Variants in SLC11A1 observed in about 807,000 individuals in gnomAD.
SLC11A1 encodes the protein solute carrier family 11 member 1.
SLC11A1 carries 59 observed loss-of-function variants against 63.2 expected under a neutral mutation model. The observed-to-expected ratio is 0.93, with a 90% CI of 0.76 to 1.16. The LOEUF (loss-of-function observed/expected upper bound fraction) is 1.16, where lower values mean the gene tolerates loss of function less well. Among genes scored for constraint, SLC11A1 ranks in the 50% most tolerant of loss-of-function variants. The pLI is 0.00. For missense variants in SLC11A1, 688 were observed against 730.7 expected, an observed-to-expected ratio of 0.94 and a Z score of 0.67; for synonymous variants, 305 against 307.8, an observed-to-expected ratio of 0.99 and a Z score of 0.09.
At position 218,395,265 on chromosome 2, in the gene SLC11A1, A is replaced by C; in HGVS notation, c.*230A>C. 1 of 549,114 alleles carries C rather than the reference A, an allele frequency of 1.8e-6. No homozygotes were observed. The highest frequency in any genetic ancestry group is 3.3e-6 in the Non-Finnish European group (1 of 306,648). The allele number at this position is 549,114 out of a possible 1,614,324, so 34.0% of individuals were successfully genotyped here. On this transcript the variant is annotated 3_prime_UTR_variant, in exon 15 of 15. Coordinates refer to ENST00000233202, the MANE Select transcript of SLC11A1 (RefSeq NM_000578.4). The stretch of plus-strand genomic sequence containing the variant: ...ACCACCCTTGCCATGGAGGTTAAGC[A>C]CTTTAACACAGTGTCTGGCACTTGG...
chr2:218,385,278 G>A lies in SLC11A1; in HGVS notation c.393+12G>A, dbSNP rs761626087. ...TCTACTACCCTAAGGTGAGCTTGGG[G>A]GGCCTGGACAGGGAGAACCACTGGC... is the stretch of plus-strand genomic sequence containing the variant. On this transcript the variant is annotated intron_variant, in intron 4 of 14. Coordinates refer to ENST00000233202, the MANE Select transcript of SLC11A1 (RefSeq NM_000578.4). The A allele has an allele frequency of 1.9e-6, 3 of 1,613,730 alleles. No homozygotes were observed. Among genetic ancestry groups the A allele is most frequent in the South Asian group, 2.2e-5 (2 of 91,076 alleles).
chr2:218,387,137 G>A (rs1487639800), intron 5 of SLC11A1, 23 bp from the exon 6 acceptor site: 1 of 1,612,730 alleles, frequency 6.2e-7, no homozygotes, highest in Non-Finnish European at 8.5e-7. Context: ...AGGCTGGGCT[G>A]ACCCGGGCCA....
rs958504735 is a variant in SLC11A1, at chr2:218,384,541, G to A, written c.273+176G>A. 8 of 470,574 alleles carry A rather than the reference G, an allele frequency of 1.7e-5. No homozygotes were observed. Among genetic ancestry groups the A allele is most frequent in the African/African-American group, 1.2e-4 (6 of 50,684 alleles). The allele number at this position is 470,574 out of a possible 1,614,324, so 29.1% of individuals were successfully genotyped here. A position where few individuals can be genotyped will look rare whatever the true frequency, so the allele number is the denominator to read the frequency against. ...TGCCAGAAGGTGGGGCATTTGTGTG[G>A]GGGGTAGGGGACTGGACTCCTCTCT... On this transcript the variant is annotated intron_variant, in intron 3 of 14. Coordinates refer to ENST00000233202, the MANE Select transcript of SLC11A1 (RefSeq NM_000578.4). The surrounding 1 kb of genome is among the most constrained non-coding windows in gnomAD (Gnocchi z 4.0).
At chr2:218,382,508 T>A (rs562567227) in intron 1 of SLC11A1, 133 bp downstream of exon 1, 1 of 927,328 alleles carries the variant, frequency 1.1e-6, no homozygotes, top group South Asian at 1.5e-5. Context: ...GTGGGAGTCC[T>A]AGTCTAGAAC....
Position 218,383,074 on chromosome 2 carries a change from A to T in SLC11A1, c.122A>T (p.Glu41Val). The T allele has an allele frequency of 6.2e-7, 1 of 1,613,946 alleles. No individual in the cohort carries two copies. The highest frequency in any genetic ancestry group is 8.5e-7 in the Non-Finnish European group (1 of 1,179,942). ...CCTCCCAGAGAGACCTACCTGAGTG[A>T]GAAGATCCCCATCCCAGACACAAAA... ...QAPPRETYLS[E>V]KIPIPDTKPG... Residue 41 changes from glutamate (E) to valine (V), a missense_variant, in exon 2 of 15, where the codon GAG (glutamate) becomes GTG (valine). Coordinates refer to ENST00000233202, the MANE Select transcript of SLC11A1 (RefSeq NM_000578.4).
Position 218,390,043 on chromosome 2 carries a change from C to G in SLC11A1, c.954+15C>G, listed in dbSNP as rs369300816. 1 of 1,602,838 alleles carries G rather than the reference C, an allele frequency of 6.2e-7. No individual in the cohort carries two copies. The highest frequency in any genetic ancestry group is 1.1e-5 in the South Asian group (1 of 89,054). On this transcript the variant is annotated intron_variant, in intron 9 of 14. Coordinates refer to ENST00000233202, the MANE Select transcript of SLC11A1 (RefSeq NM_000578.4). Reference sequence around the variant, plus strand: ...ACCAGGCTGCGGTGAGACACACTTTCCCCCGCACCTGAGGCCACACACGTA... The same window carrying G: ...ACCAGGCTGCGGTGAGACACACTTTGCCCCGCACCTGAGGCCACACACGTA...
At chr2:218,385,106 C>T (rs752347141) in intron 3 of SLC11A1, 41 bp from the exon 4 acceptor site, 3 of 1,610,632 alleles carry the variant, frequency 1.9e-6, no homozygotes, top group Non-Finnish European at 1.7e-6. Flanking sequence ...CTTTCTGAGG[C>T]TGGCCTCTCT....
In SLC11A1 at chr2:218,384,348, G is replaced by T. The variant is rs760595815; in HGVS notation, c.256G>T (p.Ala86Ser). The T allele has an allele frequency of 1.9e-6, 3 of 1,604,610 alleles. No homozygotes were observed. In the South Asian group the frequency reaches 3.3e-5, roughly 18 times the overall value. Residue 86 changes from alanine to serine, a missense_variant, in exon 3 of 15, where the codon GCC becomes TCC. Transcript: ENST00000233202. This position sits in a 1 kb window ranked among gnomAD's most constrained non-coding sequence, Gnocchi z 4.0. ...GNIESDLQAG[A>S]VAGFKLLWVL... Reference sequence around the variant, plus strand: ...CATCGAGTCAGATCTTCAGGCTGGCGCCGTGGCGGGATTCAAAGTAACTAA... The same window carrying T: ...CATCGAGTCAGATCTTCAGGCTGGCTCCGTGGCGGGATTCAAAGTAACTAA...
chr2:218,386,530 C>T, intron 4 of SLC11A1, 105 bp from the exon 5 acceptor site: 1 of 752,068 alleles, frequency 1.3e-6, no homozygotes, highest in Non-Finnish European at 2.3e-6. Context: ...AGCCCATTGG[C>T]CAGACTGTCT....
At chr2:218,387,775 G>C in intron 7 of SLC11A1, 25 bp from the exon 8 acceptor site, 1 of 1,611,156 alleles carries the variant, frequency 6.2e-7, no homozygotes, top group Non-Finnish European at 8.5e-7. Context: ...GGCGGGGCTT[G>C]TCCTGACCAG....
At chr2:218,389,445 T>C (rs1043209428) in intron 8 of SLC11A1, among the ~76,000 whole-genome samples, 10 of 152,074 alleles carry the variant, frequency 6.6e-5, no homozygotes, top group African/African-American at 2.4e-4. Flanking sequence ...CCCAGCTACT[T>C]AGGAGGCTGG....
chr2:218,391,329 C>G (rs1420395120), intron 10 of SLC11A1, 42 bp downstream of exon 10: 2 of 1,613,894 alleles, frequency 1.2e-6, no homozygotes. Context: ...CAGAGAGGCT[C>G]CCCGCCTCGG....
At position 218,386,308 on chromosome 2, in the gene SLC11A1, C is replaced by T. The variant is rs76676148; in HGVS notation, c.394-327C>T. Among the ~76,000 whole-genome samples, 67 of 152,156 alleles carry T rather than the reference C, an allele frequency of 4.4e-4. No homozygotes were observed. The East Asian group carries it at 7.7e-3, about 18-fold the overall frequency. Reference sequence around the variant, plus strand: ...TCTCTACTAAAAATACAAAACTAGCCGGGCATGGTGGCACATGCCTGTAAT... The same window carrying T: ...TCTCTACTAAAAATACAAAACTAGCTGGGCATGGTGGCACATGCCTGTAAT... On this transcript the variant is annotated intron_variant, in intron 4 of 14. Transcript: ENST00000233202.
chr2:218,394,783 C>T lies in SLC11A1; in HGVS notation c.1540C>T (p.Leu514=). The change falls in exon 14 of 15, where the codon CTG becomes TTG. Residue 514 remains leucine, a splice_region_variant and synonymous_variant. Transcript: ENST00000233202. ...AAAYLGLSTY[L]VWTCCLAHGA... is the part of the protein sequence containing the mutation. ...AGCCTACCTGGGCCTCAGCACCTAC[C>T]TGGTACAGTAGGGCCAGGGGATGCC... 6.2e-7 allele frequency: 1 copy of T among 1,612,278 alleles called. No homozygotes were observed. Among genetic ancestry groups the T allele is most frequent in the Non-Finnish European group, 8.5e-7 (1 of 1,180,010 alleles).
In SLC11A1 at chr2:218,384,997, A is replaced by G; in HGVS notation, c.274-150A>G. ...CTTAGCCTTTTAAAGTGCTGGGATT[A>G]CAGGGTGAGCTACCAGCGCCCAGCC... On this transcript the variant is annotated intron_variant, in intron 3 of 14. Transcript: ENST00000233202. The surrounding 1 kb of genome is among the most constrained non-coding windows in gnomAD (Gnocchi z 4.0). The G allele has an allele frequency of 1.0e-6, 1 of 967,582 alleles. No individual in the cohort carries two copies. The highest frequency in any genetic ancestry group is 1.5e-6 in the Non-Finnish European group (1 of 655,926). 59.9% of individuals were successfully genotyped at this position (967,582 alleles called of 1,614,324 possible).
intron 4 of SLC11A1, 32 bp from the exon 5 acceptor site, chr2:218,386,603 A>T: frequency 6.7e-7 from 1 of 1,497,990 alleles, no homozygotes; most frequent in South Asian, 1.1e-5. Flanking sequence ...TAACCGGCCC[A>T]CCCTTAATGA....
Position 218,389,892 on chromosome 2 carries a change from G to T in SLC11A1, c.818G>T (p.Arg273Leu). Reference sequence around the variant, plus strand: ...TAGTCTCGAGAGATAGACCGGGCCCGCCGAGCAGACATCAGAGAAGCCAAC... The same window carrying T: ...TAGTCTCGAGAGATAGACCGGGCCCTCCGAGCAGACATCAGAGAAGCCAAC... ...LVKSREIDRA[R>L]RADIREANMY... The change falls in exon 9 of 15, where the codon CGC (arginine) becomes CTC (leucine). Residue 273 changes from arginine to leucine, a missense_variant. By Grantham distance (102) the Arg-to-Leu change is moderately radical. Transcript: ENST00000233202. The T allele has an allele frequency of 6.2e-7, 1 of 1,612,928 alleles. No individual in the cohort carries two copies. The highest frequency in any genetic ancestry group is 8.5e-7 in the Non-Finnish European group (1 of 1,179,352).
intron 4 of SLC11A1, among the ~76,000 whole-genome samples, chr2:218,386,020 C>CT (rs1273917309): frequency 6.6e-6 from 1 of 152,200 alleles, no homozygotes; most frequent in East Asian, 1.9e-4. Flanking sequence ...GCTGCTACAC[C>CT]TCTGGCACAA....
In SLC11A1 at chr2:218,391,379, G is replaced by A. The variant is rs141861983; in HGVS notation, c.1048G>A (p.Val350Met). 3.6e-3 allele frequency: 5,770 copies of A among 1,613,988 alleles called. 16 individuals are homozygous for A. Among genetic ancestry groups the A allele is most frequent in the Non-Finnish European group, 4.4e-3 (5,169 of 1,179,942 alleles). Residue 350 changes from valine to methionine, a missense_variant, in exon 11 of 15, where the codon GTG becomes ATG. Val to Met is a conservative substitution (Grantham distance 21). Coordinates refer to ENST00000233202, the MANE Select transcript of SLC11A1 (RefSeq NM_000578.4). Reference sequence around the variant, plus strand: ...CCTACCACACTCGTCCCTGCAGGGCGTGATCCTGGGCTGCCTGTTCGGCCC... The same window carrying A: ...CCTACCACACTCGTCCCTGCAGGGCATGATCCTGGGCTGCCTGTTCGGCCC... ...TVAVDIYQGG[V>M]ILGCLFGPAA...
Sources: gnomAD v4.1 joint callset for allele counts (sites outside exome capture counted in the v4.1 genomes callset) on GRCh38, gnomAD v4.1.1 for gene constraint, Gnocchi (gnomAD v3.1) non-coding constraint, MANE v1.5 for transcripts, NCBI Gene and HGNC (gene_info 2026-07-23, HGNC 2026-07-21) for gene names.